IL15: variants seen among roughly 807,000 people sequenced by gnomAD.
The protein encoded by IL15 is interleukin-15.
A neutral mutation model predicts 19.6 loss-of-function variants in IL15; 11 were observed. That is an observed-to-expected ratio of 0.56 (90% CI 0.35 to 0.93). The LOEUF (loss-of-function observed/expected upper bound fraction) is 0.93. IL15 is among the 40% of genes least tolerant of loss of function. The pLI is 0.01. For missense variants in IL15, 197 were observed against 186.5 expected (o/e 1.06, Z -0.33); for synonymous variants, 58 against 59.6 (o/e 0.97, Z 0.12).
At chr4:141,714,549 C>G (rs1006065571) in intron 2 of IL15, 1 of 152,262 alleles carries the variant, frequency 6.6e-6, no homozygotes, top group African/African-American at 2.4e-5. Context: ...AGGCTTCTGC[C>G]TCCATCTAAC....
intron 1 of IL15, among the ~76,000 whole-genome samples, chr4:141,643,536 C>G (rs1375261100): frequency 6.6e-6 from 1 of 152,170 alleles, no homozygotes; most frequent in African/African-American, 2.4e-5. Context: ...ACCCTTTCAG[C>G]AGGACCTGAG....
At chr4:141,651,188 C>CTA (rs1435388507) in intron 1 of IL15, among the ~76,000 whole-genome samples, 1 of 151,480 alleles carries the variant, frequency 6.6e-6, no homozygotes, top group Non-Finnish European at 1.5e-5. Flanking sequence ...CACACACCAT[C>CTA]TATATATATA....
intron 7 of IL15, among the ~76,000 whole-genome samples, chr4:141,731,143 T>C (rs1047104837): frequency 2.0e-5 from 3 of 152,082 alleles, no homozygotes; most frequent in Non-Finnish European, 4.4e-5. Flanking sequence ...CACCTTGACT[T>C]TTCTCTAAAA....
chr4:141,676,792 G>A (rs1165717381), intron 2 of IL15, among the ~76,000 whole-genome samples: 1 of 151,372 alleles, frequency 6.6e-6, no homozygotes, highest in African/African-American at 2.4e-5. Context: ...AAAAAAAGAT[G>A]GGGTAAAGGA....
intron 2 of IL15, among the ~76,000 whole-genome samples, chr4:141,705,826 A>G (rs1729496101): frequency 6.6e-6 from 1 of 151,922 alleles, no homozygotes; most frequent in South Asian, 2.1e-4. Context: ...TTTTTATATA[A>G]TGACCTTCTT....
At chr4:141,664,383 A>ACACG (rs1727897334) in intron 2 of IL15, among the ~76,000 whole-genome samples, 2 of 150,434 alleles carry the variant, frequency 1.3e-5, no homozygotes, top group South Asian at 4.2e-4. Flanking sequence ...ACACACACAC[A>ACACG]CACACACAAA....
rs1418576047 is a variant in IL15, at chr4:141,689,880, C to T, written c.-99-29486C>T. Among the ~76,000 whole-genome samples the T allele has an allele frequency of 4.6e-5, 7 of 152,148 alleles. 1 individual carries two copies. The Middle Eastern group carries it at 9.5e-3, about 206-fold the overall frequency. On this transcript the variant is annotated intron_variant, in intron 2 of 7. Coordinates refer to ENST00000320650, the MANE Select transcript of IL15 (RefSeq NM_000585.5). ...CTACACTCCTCAGCCCTTGGGTGGT[C>T]GATGGGACTGGGCGCCGTGGAGCAG... is the stretch of plus-strand genomic sequence containing the variant.
At chr4:141,701,540 A>G (rs1209001970) in intron 2 of IL15, among the ~76,000 whole-genome samples, 2 of 152,072 alleles carry the variant, frequency 1.3e-5, no homozygotes, top group Non-Finnish European at 2.9e-5. Context: ...CTTGTGATGT[A>G]TACTTTATTT....
chr4:141,726,379 G>A (rs1249900584), intron 5 of IL15, among the ~76,000 whole-genome samples: 2 of 152,106 alleles, frequency 1.3e-5, no homozygotes, highest in Non-Finnish European at 1.5e-5. Context: ...ATTATTACAT[G>A]CAGCTATAAG....
intron 5 of IL15, among the ~76,000 whole-genome samples, chr4:141,726,897 A>G (rs371031594): frequency 2.0e-5 from 3 of 152,324 alleles, no homozygotes; most frequent in African/African-American, 7.2e-5. Flanking sequence ...CTATCAAGCC[A>G]TGAAAAGAAA....
intron 2 of IL15, among the ~76,000 whole-genome samples, chr4:141,659,549 T>TA (rs1393411918): frequency 6.6e-6 from 1 of 152,204 alleles, no homozygotes; most frequent in Non-Finnish European, 1.5e-5. Flanking sequence ...ATTGAGGGGT[T>TA]AAAAAAGAAG....
At chr4:141,667,865 T>A (rs1347624712) in intron 2 of IL15, among the ~76,000 whole-genome samples, 2 of 152,204 alleles carry the variant, frequency 1.3e-5, no homozygotes, top group Non-Finnish European at 2.9e-5. Flanking sequence ...TAAATAAGCA[T>A]GAACATCACT....
intron 2 of IL15, among the ~76,000 whole-genome samples, chr4:141,704,370 C>G (rs1273947273): frequency 6.6e-6 from 1 of 152,036 alleles, no homozygotes; most frequent in Non-Finnish European, 1.5e-5. Context: ...CCATGCTTAC[C>G]ATGCTTGCAT....
chr4:141,691,613 T>C (rs1728913871), intron 2 of IL15, among the ~76,000 whole-genome samples: 1 of 152,150 alleles, frequency 6.6e-6, no homozygotes, highest in Admixed American at 6.5e-5. Context: ...ACAGGTTCCA[T>C]GCAAGTCCAA....
intron 2 of IL15, among the ~76,000 whole-genome samples, chr4:141,684,052 A>G (rs1386110436): frequency 1.3e-5 from 2 of 152,236 alleles, no homozygotes; most frequent in Admixed American, 1.3e-4. Flanking sequence ...GCTACAATGC[A>G]GGTGAAAGAC....
At chr4:141,656,742 T>C (rs1195793887) in intron 2 of IL15, among the ~76,000 whole-genome samples, 1 of 152,192 alleles carries the variant, frequency 6.6e-6, no homozygotes, top group Non-Finnish European at 1.5e-5. Context: ...GAATTGTGCA[T>C]ATCACTTTCT....
At chr4:141,703,754 A>AAT (rs1342031377) in intron 2 of IL15, among the ~76,000 whole-genome samples, 1 of 150,642 alleles carries the variant, frequency 6.6e-6, no homozygotes, top group African/African-American at 2.4e-5. Flanking sequence ...AAAAAAAAAA[A>AAT]GGTGTATAGA....
At chr4:141,696,418 A>C (rs1729097328) in intron 2 of IL15, among the ~76,000 whole-genome samples, 1 of 152,046 alleles carries the variant, frequency 6.6e-6, no homozygotes, top group African/African-American at 2.4e-5. Flanking sequence ...TGGGGTGTTT[A>C]GTAGTTCCAC....
At chr4:141,710,690 C>T (rs913198272) in intron 2 of IL15, among the ~76,000 whole-genome samples, 2 of 151,992 alleles carry the variant, frequency 1.3e-5, no homozygotes, top group Non-Finnish European at 2.9e-5. Context: ...TGCCTGTCCC[C>T]ACTACCTCTA....
Sources: gnomAD v4.1 joint callset for allele counts (sites outside exome capture counted in the v4.1 genomes callset) on GRCh38, gnomAD v4.1.1 for gene constraint, MANE v1.5 for transcripts, NCBI Gene and HGNC (gene_info 2026-07-23, HGNC 2026-07-21) for gene names.